The following DNAJC1 variants were observed in gnomAD, a reference collection of about 807,000 sequenced individuals.
DNAJC1 encodes the protein dnaJ homolog subfamily C member 1.
Under a neutral mutation model 76.6 loss-of-function variants are expected in DNAJC1, and 58 were observed. That is an observed-to-expected ratio of 0.76 (90% CI 0.61 to 0.94). DNAJC1 has a LOEUF of 0.94. Among genes scored for constraint, DNAJC1 ranks in the 40% least tolerant of loss-of-function variants. DNAJC1 has a pLI of 0.00. For synonymous variants in DNAJC1, 258 were observed against 267.9 expected (o/e 0.96, Z 0.36); for missense variants, 689 against 677.3 (o/e 1.02, Z -0.19).
chr10:21,926,950 C>G (rs139257948), intron 3 of DNAJC1, among the ~76,000 whole-genome samples: 1 of 152,024 alleles, frequency 6.6e-6, no homozygotes, highest in African/African-American at 2.4e-5. Context: ...AAAGAAATTA[C>G]AAAGTTTATT....
At chr10:21,767,884 AT>A (rs1834319453) in intron 9 of DNAJC1, among the ~76,000 whole-genome samples, 1 of 152,050 alleles carries the variant, frequency 6.6e-6, no homozygotes, top group Non-Finnish European at 1.5e-5. Context: ...AATCCCAGCT[AT>A]TTGGGAGGCT....
chr10:21,771,539 C>A (rs1834377833), intron 9 of DNAJC1, among the ~76,000 whole-genome samples: 1 of 152,058 alleles, frequency 6.6e-6, no homozygotes, highest in Non-Finnish European at 1.5e-5. Context: ...CGCTCTGTTG[C>A]CCAGGCTGCA....
intron 1 of DNAJC1, among the ~76,000 whole-genome samples, chr10:21,969,301 C>T (rs902579408): frequency 3.3e-5 from 5 of 149,602 alleles, no homozygotes; most frequent in African/African-American, 9.8e-5. Flanking sequence ...AAAATCCAAA[C>T]GACTGTGAAG....
chr10:21,886,103 G>C lies in DNAJC1; in HGVS notation c.821-3664C>G, dbSNP rs76958919. Among the ~76,000 whole-genome samples, 15 of 152,014 alleles carry C rather than the reference G, an allele frequency of 9.9e-5. No homozygotes were observed. The East Asian group carries it at 2.7e-3, about 27-fold the overall frequency. On this transcript the variant is annotated intron_variant, in intron 7 of 11. Coordinates refer to ENST00000376980, the MANE Select transcript of DNAJC1 (RefSeq NM_022365.4). The stretch of plus-strand genomic sequence containing the variant: ...GTAAGCTACTAGCTAGGCTAATAGA[G>C]AGAAAACCCCAAAAACCACAATTAG...
At chr10:21,947,921 G>C (rs182832297) in intron 1 of DNAJC1, among the ~76,000 whole-genome samples, 3 of 152,180 alleles carry the variant, frequency 2.0e-5, no homozygotes, top group Admixed American at 2.0e-4. Flanking sequence ...GACCAAAATT[G>C]TAGTCAAATT....
At chr10:21,911,036 AGAGAAAGGAAGG>A (rs1358619432) in intron 6 of DNAJC1, among the ~76,000 whole-genome samples, 7 of 115,752 alleles carry the variant, frequency 6.0e-5, no homozygotes, top group Non-Finnish European at 1.2e-4. Context: ...AAAGAAAGAG[AGAGAAAGGAAGG>A]AAGGAAGGAA....
At chr10:21,893,020 C>T (rs1372941740) in intron 7 of DNAJC1, among the ~76,000 whole-genome samples, 2 of 152,080 alleles carry the variant, frequency 1.3e-5, no homozygotes, top group Non-Finnish European at 1.5e-5. Flanking sequence ...ATCAGCCAAC[C>T]GGATGTAACT....
chr10:21,871,057 T>C (rs139251441), intron 8 of DNAJC1, among the ~76,000 whole-genome samples: 440 of 152,234 alleles, frequency 2.9e-3, no homozygotes, highest in South Asian at 5.4e-3. Flanking sequence ...TTATTTTCCT[T>C]AACTTAAAAC....
chr10:21,886,163 C>T (rs1321783905), intron 7 of DNAJC1, among the ~76,000 whole-genome samples: 1 of 152,018 alleles, frequency 6.6e-6, no homozygotes, highest in Non-Finnish European at 1.5e-5. Context: ...CCACTGACCC[C>T]ACAGAAGTAA....
chr10:21,803,352 T>C (rs1834834864), intron 9 of DNAJC1, among the ~76,000 whole-genome samples: 1 of 152,144 alleles, frequency 6.6e-6, no homozygotes, highest in Non-Finnish European at 1.5e-5. Flanking sequence ...CTGATGACAC[T>C]CAATTGAACC....
At chr10:21,907,193 C>T (rs765895672) in intron 6 of DNAJC1, among the ~76,000 whole-genome samples, 1 of 152,128 alleles carries the variant, frequency 6.6e-6, no homozygotes, top group Non-Finnish European at 1.5e-5. Context: ...TGCAATCCAC[C>T]CAATCACCCT....
chr10:21,906,895 T>C (rs1836755352), intron 6 of DNAJC1, among the ~76,000 whole-genome samples: 1 of 152,194 alleles, frequency 6.6e-6, no homozygotes, highest in Non-Finnish European at 1.5e-5. Flanking sequence ...TATTATTACT[T>C]CTACCAATTT....
intron 9 of DNAJC1, among the ~76,000 whole-genome samples, chr10:21,793,701 T>G (rs1834719491): frequency 6.6e-6 from 1 of 152,066 alleles, no homozygotes; most frequent in Admixed American, 6.5e-5. Flanking sequence ...ATCCCAACAC[T>G]TTGAGAGGTC....
intron 7 of DNAJC1, 117 bp from the exon 8 acceptor site, chr10:21,882,556 A>T: frequency 1.4e-6 from 1 of 695,492 alleles, no homozygotes; most frequent in Non-Finnish European, 2.2e-6. Flanking sequence ...TTGTTCTGTT[A>T]TAAATAATTG....
In DNAJC1 at chr10:21,856,449, T is replaced by C. The variant is rs181454096; in HGVS notation, c.978+25833A>G. ...ATCTATTGTAGCTGCATGGTGGAAA[T>C]ACTATATAATGGTAATCTACTACTA... On this transcript the variant is annotated intron_variant, in intron 8 of 11. Coordinates refer to ENST00000376980, the MANE Select transcript of DNAJC1 (RefSeq NM_022365.4). Among the ~76,000 whole-genome samples, 5 of 152,298 alleles carry C rather than the reference T, an allele frequency of 3.3e-5. No homozygotes were observed. In the East Asian group the frequency reaches 5.8e-4, roughly 18 times the overall value.
At chr10:21,949,411 C>CTTTTTTTT (rs1201250094) in intron 1 of DNAJC1, among the ~76,000 whole-genome samples, 1 of 70,178 alleles carries the variant, frequency 1.4e-5, no homozygotes, top group African/African-American at 5.3e-5. Context: ...CCCCCTTCTT[C>CTTTTTTTT]TTTTTTTTTT....
intron 8 of DNAJC1, among the ~76,000 whole-genome samples, chr10:21,830,675 T>G (rs1835342541): frequency 6.6e-6 from 1 of 152,218 alleles, no homozygotes; most frequent in Non-Finnish European, 1.5e-5. Context: ...AATACTGCAT[T>G]TCTCATTCTT....
At chr10:21,951,996 T>G (rs1180424199) in intron 1 of DNAJC1, among the ~76,000 whole-genome samples, 2 of 152,222 alleles carry the variant, frequency 1.3e-5, no homozygotes, top group South Asian at 4.1e-4. Context: ...CTGAGGTGAT[T>G]AGCAAGCAAA....
chr10:21,773,094 TAC>T (rs1834408596), intron 9 of DNAJC1, among the ~76,000 whole-genome samples: 1 of 152,210 alleles, frequency 6.6e-6, no homozygotes. Context: ...CACTGGGGAT[TAC>T]AGTTTAATAT....
Sources: gnomAD v4.1 joint callset for allele counts (sites outside exome capture counted in the v4.1 genomes callset) on GRCh38, gnomAD v4.1.1 for gene constraint, MANE v1.5 for transcripts, NCBI Gene and HGNC (gene_info 2026-07-23, HGNC 2026-07-21) for gene names.